The following PPM1D variants were observed in gnomAD, a reference collection of about 807,000 sequenced individuals.
PPM1D encodes the protein protein phosphatase 1D.
In PPM1D, 52 loss-of-function variants were observed where a neutral mutation model predicts 58.3. The observed-to-expected ratio is 0.89, with a 90% confidence interval of 0.71 to 1.12. PPM1D has a LOEUF of 1.12. Among genes scored for constraint, PPM1D ranks in the 50% most tolerant of loss-of-function variants. PPM1D has a pLI of 0.00. For synonymous variants in PPM1D, 278 were observed against 285.1 expected, an observed-to-expected ratio of 0.98 and a Z score of 0.25; for missense variants, 564 against 777.2, an observed-to-expected ratio of 0.73 and a Z score of 3.26.
At chr17:60,655,230 A>C (rs1319091241) in intron 4 of PPM1D, among the ~76,000 whole-genome samples, 2 of 151,918 alleles carry the variant, frequency 1.3e-5, no homozygotes, top group Non-Finnish European at 2.9e-5. Flanking sequence ...ATTTTCTTCG[A>C]TTTGCAGAAT....
rs571290585 is a variant in PPM1D at position 60,633,900 on chromosome 17, G to A, written c.749G>A (p.Arg250Gln). ...AATCGTGTAGTTTGGAAACGACCTCGACTCACTCACAATGGACCTGTTAGA... is the reference window on the plus strand; with the variant it reads ...AATCGTGTAGTTTGGAAACGACCTCAACTCACTCACAATGGACCTGTTAGA... ...GVNRVVWKRP[R>Q]LTHNGPVRRS... The change falls in exon 3 of 6, where the codon CGA (arginine) becomes CAA (glutamine). Residue 250 changes from arginine to glutamine, a missense_variant. Arg to Gln is a conservative substitution (Grantham distance 43). Transcript: ENST00000305921. 6.8e-6 allele frequency: 11 copies of A among 1,613,720 alleles called. No individual in the cohort carries two copies. Among genetic ancestry groups the A allele is most frequent in the Admixed American group, 1.7e-5 (1 of 60,006 alleles).
chr17:60,648,805 C>T (rs1022106673), intron 4 of PPM1D, among the ~76,000 whole-genome samples: 1 of 148,576 alleles, frequency 6.7e-6, no homozygotes, highest in African/African-American at 2.5e-5. Context: ...GCTCTGTTAC[C>T]GAGGCTGGAG....
intron 1 of PPM1D, among the ~76,000 whole-genome samples, chr17:60,603,846 TAGC>T (rs1350626800): frequency 3.3e-5 from 5 of 152,264 alleles, no homozygotes; most frequent in African/African-American, 1.2e-4. Context: ...TCTAAAGAAA[TAGC>T]AGCCCCACAT....
chr17:60,616,808 T>A (rs2030594528), intron 1 of PPM1D, among the ~76,000 whole-genome samples: 1 of 152,240 alleles, frequency 6.6e-6, no homozygotes, highest in Non-Finnish European at 1.5e-5. Flanking sequence ...GTTAGGCTTT[T>A]GACCAAAAGT....
chr17:60,642,784 C>T (rs2031161470), intron 3 of PPM1D, among the ~76,000 whole-genome samples: 1 of 152,010 alleles, frequency 6.6e-6, no homozygotes, highest in South Asian at 2.1e-4. Context: ...AAAAGATTTT[C>T]AGCCGGGCAC....
chr17:60,610,506 C>T (rs561748902), intron 1 of PPM1D, among the ~76,000 whole-genome samples: 2 of 152,192 alleles, frequency 1.3e-5, no homozygotes, highest in South Asian at 2.1e-4. Context: ...GGAATATTTC[C>T]GTACATGTCT....
intron 1 of PPM1D, among the ~76,000 whole-genome samples, chr17:60,623,144 C>G (rs921334502): frequency 6.6e-6 from 1 of 152,046 alleles, no homozygotes; most frequent in African/African-American, 2.4e-5. Context: ...TAAACAGATG[C>G]TAAGTGGCTG....
Position 60,600,981 on chromosome 17 carries a change from G to T in PPM1D, c.472+95G>T, listed in dbSNP as rs560936189. 35 of 1,544,558 alleles carry T rather than the reference G, an allele frequency of 2.3e-5. No homozygotes were observed. The South Asian group carries it at 3.9e-4, about 17-fold the overall frequency. Reference sequence around the variant, plus strand: ...CGCGTGGGCCCCCGGCACCCAGAGCGCAACCAAAGTATACACTGATGGAAG... The same window carrying T: ...CGCGTGGGCCCCCGGCACCCAGAGCTCAACCAAAGTATACACTGATGGAAG... On this transcript the variant is annotated intron_variant, in intron 1 of 5. Coordinates refer to ENST00000305921, the MANE Select transcript of PPM1D (RefSeq NM_003620.4).
chr17:60,628,282 C>T lies in PPM1D; in HGVS notation c.701+4533C>T, dbSNP rs118066528. Among the ~76,000 whole-genome samples, 1,084 of 152,292 alleles carry T rather than the reference C, an allele frequency of 7.1e-3. 12 individuals are homozygous for T. Among genetic ancestry groups the T allele is most frequent in the South Asian group, 0.023 (109 of 4,818 alleles). On this transcript the variant is annotated intron_variant, in intron 2 of 5. Coordinates refer to ENST00000305921, the MANE Select transcript of PPM1D (RefSeq NM_003620.4). ...CTCATATATACTTTGGCCTACCCCCCGTCTCCCAGGCTTCCCCACTATCCT... is the reference window on the plus strand; with the variant it reads ...CTCATATATACTTTGGCCTACCCCCTGTCTCCCAGGCTTCCCCACTATCCT...
intron 3 of PPM1D, among the ~76,000 whole-genome samples, chr17:60,637,516 A>G (rs897805314): frequency 2.6e-5 from 4 of 152,228 alleles, no homozygotes; most frequent in African/African-American, 9.6e-5. Context: ...AGTTTTGGAC[A>G]CATTACCCTT....
intron 4 of PPM1D, 68 bp from the exon 5 acceptor site, chr17:60,656,531 A>T (rs1417498987): frequency 6.4e-7 from 1 of 1,551,196 alleles, no homozygotes; most frequent in Non-Finnish European, 8.7e-7. Flanking sequence ...ATTTAATTTG[A>T]TATAGATACA....
intron 3 of PPM1D, among the ~76,000 whole-genome samples, chr17:60,639,088 T>C (rs904342546): frequency 6.6e-6 from 1 of 152,154 alleles, no homozygotes; most frequent in Admixed American, 6.6e-5. Context: ...TGAAAGGCAT[T>C]CATCAGATGA....
chr17:60,644,823 C>G (rs887358288), intron 3 of PPM1D, among the ~76,000 whole-genome samples: 1 of 151,998 alleles, frequency 6.6e-6, no homozygotes, highest in Non-Finnish European at 1.5e-5. Flanking sequence ...ATGAACAATT[C>G]GTAATAAAAT....
At chr17:60,616,289 A>G (rs1319055003) in intron 1 of PPM1D, among the ~76,000 whole-genome samples, 1 of 147,248 alleles carries the variant, frequency 6.8e-6, no homozygotes, top group Non-Finnish European at 1.5e-5. Flanking sequence ...CTCTGTCTCA[A>G]AAAAAAAAAA....
intron 1 of PPM1D, among the ~76,000 whole-genome samples, chr17:60,614,784 C>T (rs1324826433): frequency 2.0e-5 from 3 of 152,052 alleles, no homozygotes; most frequent in Admixed American, 1.3e-4. Context: ...TAACACTCAC[C>T]GGGAAAGTCT....
chr17:60,663,177 CCTGA>C lies in PPM1D; in HGVS notation c.1446_1449del (p.Thr483Ter). On this transcript the variant is annotated frameshift_variant, in exon 6 of 6. Coordinates refer to ENST00000305921, the MANE Select transcript of PPM1D (RefSeq NM_003620.4). LOFTEE classifies it high-confidence loss of function. ...CACTTGAAGAAAATTGCGCTAAAGC[CCTGA>C]CTTTAAGGATACATGATTCTTTGAA... 1 of 1,614,098 alleles carries C rather than the reference CCTGA, an allele frequency of 6.2e-7. No homozygotes were observed. Among genetic ancestry groups the C allele is most frequent in the Non-Finnish European group, 8.5e-7 (1 of 1,180,008 alleles).
At chr17:60,640,798 T>C (rs1191582751) in intron 3 of PPM1D, among the ~76,000 whole-genome samples, 1 of 152,148 alleles carries the variant, frequency 6.6e-6, no homozygotes, top group Non-Finnish European at 1.5e-5. Flanking sequence ...GGTATTTGGC[T>C]TTCTTTTCCT....
At chr17:60,621,292 G>A (rs1223347547) in intron 1 of PPM1D, among the ~76,000 whole-genome samples, 1 of 152,080 alleles carries the variant, frequency 6.6e-6, no homozygotes, top group Non-Finnish European at 1.5e-5. Flanking sequence ...TTTGTGTATG[G>A]TATAAGACAA....
In PPM1D at chr17:60,600,228, C is replaced by G. The variant is rs1050017967; in HGVS notation, c.-187C>G. ...CGCAACTGCCTGGCTCTGCTCGCTCCGGCGCTCCGGCCCAGCTCTCGCGGA... is the reference window on the plus strand; with the variant it reads ...CGCAACTGCCTGGCTCTGCTCGCTCGGGCGCTCCGGCCCAGCTCTCGCGGA... On this transcript the variant is annotated 5_prime_UTR_variant, in exon 1 of 6. Coordinates refer to ENST00000305921, the MANE Select transcript of PPM1D (RefSeq NM_003620.4). The G allele has an allele frequency of 9.9e-6, 12 of 1,210,204 alleles. No homozygotes were observed. In the African/African-American group the frequency reaches 1.9e-4, roughly 19 times the overall value. The allele number at this position is 1,210,204 out of a possible 1,614,324, so 75.0% of individuals were successfully genotyped here.
Sources: gnomAD v4.1 joint callset for allele counts (sites outside exome capture counted in the v4.1 genomes callset) on GRCh38, gnomAD v4.1.1 for gene constraint, MANE v1.5 for transcripts, NCBI Gene and HGNC (gene_info 2026-07-23, HGNC 2026-07-21) for gene names.